TRAIP: variants seen among roughly 807,000 people sequenced by gnomAD.
The protein encoded by TRAIP is E3 ubiquitin-protein ligase TRAIP.
TRAIP carries 37 observed loss-of-function variants against 65.0 expected under a neutral mutation model. The observed-to-expected ratio is 0.57, with a 90% confidence interval of 0.44 to 0.75. TRAIP has a LOEUF of 0.75. TRAIP is among the 30% of genes least tolerant of loss of function. The pLI, the probability that TRAIP is intolerant of heterozygous loss-of-function variation, is 0.00. For synonymous variants in TRAIP, 187 were observed against 219.1 expected, an observed-to-expected ratio of 0.85 and a Z score of 1.29; for missense variants, 481 against 579.4, an observed-to-expected ratio of 0.83 and a Z score of 1.74.
In TRAIP at chr3:49,856,362, A is replaced by C; in HGVS notation, c.92T>G (p.Leu31Trp). Residue 31 changes from leucine to tryptophan, a missense_variant, in exon 1 of 15, where the codon TTG becomes TGG. Transcript: ENST00000331456. ...AAIHCGHTFH[L>W]QCLIQWFETA... ...CAACACTGCAGTCACTCACCACTGC[A>C]AGTGGAAGGTGTGGCCGCAGTGGAT... is the stretch of plus-strand genomic sequence containing the variant. 6.2e-7 allele frequency: 1 copy of C among 1,613,626 alleles called. No individual in the cohort carries two copies. The highest frequency in any genetic ancestry group is 8.5e-7 in the Non-Finnish European group (1 of 1,179,628).
intron 2 of TRAIP, among the ~76,000 whole-genome samples, chr3:49,847,873 G>T (rs1439597447): frequency 1.3e-5 from 2 of 152,164 alleles, no homozygotes; most frequent in Admixed American, 6.5e-5. Flanking sequence ...TGAACTCTAG[G>T]TGCGGAGTCA....
chr3:49,829,010 A>C lies in TRAIP; in HGVS notation c.*93T>G. ...GCCCTTACACCTCAGGCTGGTCCCG[A>C]AAGTGGGGCTCTGTCCACAAAACCC... On this transcript the variant is annotated 3_prime_UTR_variant, in exon 15 of 15. Transcript: ENST00000331456. 1.3e-6 allele frequency: 2 copies of C among 1,584,976 alleles called. No individual in the cohort carries two copies. The highest frequency in any genetic ancestry group is 2.2e-5 in the South Asian group (2 of 89,046).
At chr3:49,831,188 G>C (rs1461693956) in intron 11 of TRAIP, among the ~76,000 whole-genome samples, 1 of 152,188 alleles carries the variant, frequency 6.6e-6, no homozygotes, top group African/African-American at 2.4e-5. Flanking sequence ...CAGCTGGCTT[G>C]CCCTCTTGCT....
rs752850814 is a variant in TRAIP, at chr3:49,831,952, T to C, written c.1001A>G (p.His334Arg). The change falls in exon 11 of 15, where the codon CAT (histidine) becomes CGT (arginine). Residue 334 changes from histidine (H) to arginine (R), a missense_variant. Coordinates refer to ENST00000331456, the MANE Select transcript of TRAIP (RefSeq NM_005879.3). ...TAGGCAAAGTTTTTCGTAGTAACCA[T>C]GCTGGGAGCTGGAGGGCCGGGCTGG... ...TPPARPSSSQ[H>R]GYYEKLCLEK... 1.2e-6 allele frequency: 2 copies of C among 1,600,030 alleles called. No individual in the cohort carries two copies. The highest frequency in any genetic ancestry group is 2.3e-5 in the East Asian group (1 of 43,680).
chr3:49,832,715 G>C (rs1452505810), intron 10 of TRAIP, among the ~76,000 whole-genome samples: 1 of 87,496 alleles, frequency 1.1e-5, no homozygotes, highest in Non-Finnish European at 2.6e-5. Context: ...GGGGGGGGGG[G>C]GTGGGGGGTG....
intron 5 of TRAIP, 80 bp downstream of exon 5, chr3:49,843,721 A>C (rs2081857828): frequency 6.4e-7 from 1 of 1,557,562 alleles, no homozygotes; most frequent in African/African-American, 1.4e-5. Flanking sequence ...CAGAACCAGA[A>C]GATAAGCCCA....
At chr3:49,838,848 T>C (rs2081810832) in intron 10 of TRAIP, among the ~76,000 whole-genome samples, 1 of 149,148 alleles carries the variant, frequency 6.7e-6, no homozygotes, top group Admixed American at 6.7e-5. Flanking sequence ...ATCGCACCAC[T>C]GTACTCCAGT....
At chr3:49,831,124 G>T (rs189313626) in intron 11 of TRAIP, among the ~76,000 whole-genome samples, 2 of 152,172 alleles carry the variant, frequency 1.3e-5, no homozygotes, top group African/African-American at 4.8e-5. Context: ...ACCAGGCCTC[G>T]CCCTCTACAA....
intron 1 of TRAIP, among the ~76,000 whole-genome samples, chr3:49,851,494 T>TC (rs1411364009): frequency 2.6e-5 from 4 of 152,204 alleles, no homozygotes; most frequent in African/African-American, 7.2e-5. Flanking sequence ...GCTCAAGCGA[T>TC]CCTCCTGCCT....
intron 1 of TRAIP, among the ~76,000 whole-genome samples, chr3:49,849,454 T>A (rs2081912882): frequency 6.7e-6 from 1 of 149,906 alleles, no homozygotes; most frequent in Non-Finnish European, 1.5e-5. Context: ...TGAAACTCCA[T>A]CTCTACTAAA....
chr3:49,850,036 C>T (rs1427886878), intron 1 of TRAIP, among the ~76,000 whole-genome samples: 1 of 151,426 alleles, frequency 6.6e-6, no homozygotes, highest in Non-Finnish European at 1.5e-5. Context: ...TTTTCAAATA[C>T]CATGTACAAC....
rs1291651170 is a variant in TRAIP, at chr3:49,829,751, G to C, written c.1102C>G (p.Leu368Val). The C allele has an allele frequency of 6.2e-7, 1 of 1,614,026 alleles. No individual in the cohort carries two copies. The change falls in exon 13 of 15, where the codon CTG becomes GTG. Residue 368 changes from leucine to valine, a missense_variant. Physicochemically the swap from Leu to Val is conservative, Grantham distance 32. Transcript: ENST00000331456. The stretch of plus-strand genomic sequence containing the variant: ...TCTCCTGCACAGCTCTGGCCACCCA[G>C]TGAGAGCTGGGACTCCTGCAGGGAA... ...KGPRKESQLSLGGQSCAGEPD... is the reference protein window; with the variant it reads ...KGPRKESQLSVGGQSCAGEPD...
At chr3:49,837,034 T>C (rs1447797456) in intron 10 of TRAIP, among the ~76,000 whole-genome samples, 1 of 148,162 alleles carries the variant, frequency 6.7e-6, no homozygotes, top group East Asian at 2.0e-4. Context: ...CATCACTTAC[T>C]GCAGTCTTGA....
intron 1 of TRAIP, among the ~76,000 whole-genome samples, chr3:49,851,830 G>A (rs949212598): frequency 6.6e-6 from 1 of 151,640 alleles, no homozygotes; most frequent in African/African-American, 2.4e-5. Flanking sequence ...CCAAGTAGCT[G>A]GGACTAGAGG....
chr3:49,856,376 G>A lies in TRAIP; in HGVS notation c.78C>T (p.Gly26=). 6.2e-7 allele frequency: 1 copy of A among 1,614,084 alleles called. No individual in the cohort carries two copies. The highest frequency in any genetic ancestry group is 8.5e-7 in the Non-Finnish European group (1 of 1,179,968). ...HSRDVAAIHC[G]HTFHLQCLIQ... is the part of the protein sequence containing the mutation. ...CTCACCACTGCAAGTGGAAGGTGTG[G>A]CCGCAGTGGATGGCGGCCACGTCGC... The change falls in exon 1 of 15, where the codon GGC becomes GGT. Residue 26 remains glycine (G), a synonymous_variant. Coordinates refer to ENST00000331456, the MANE Select transcript of TRAIP (RefSeq NM_005879.3).
intron 5 of TRAIP, 174 bp downstream of exon 5, chr3:49,843,627 T>A (rs2108316958): frequency 1.3e-6 from 1 of 796,870 alleles, no homozygotes; most frequent in Non-Finnish European, 2.0e-6. Context: ...TCTTATGGGA[T>A]GGATGGGTAC....
chr3:49,831,572 A>G (rs888078344), intron 11 of TRAIP, among the ~76,000 whole-genome samples: 21 of 152,262 alleles, frequency 1.4e-4, no homozygotes, highest in African/African-American at 4.8e-4. Flanking sequence ...GAGGAAGTTC[A>G]GAGTCCCTCG....
intron 14 of TRAIP, 31 bp downstream of exon 14, chr3:49,829,427 A>G: frequency 6.2e-7 from 1 of 1,614,074 alleles, no homozygotes; most frequent in Non-Finnish European, 8.5e-7. Context: ...TCCACAGTTC[A>G]GCTCAGCTCA....
chr3:49,846,176 G>A (rs1020784091), intron 3 of TRAIP, among the ~76,000 whole-genome samples: 36 of 152,068 alleles, frequency 2.4e-4, no homozygotes, highest in Non-Finnish European at 1.0e-4. Context: ...CTCTGGTCTG[G>A]GGAAGGCCCA....
Sources: gnomAD v4.1 joint callset for allele counts (sites outside exome capture counted in the v4.1 genomes callset) on GRCh38, gnomAD v4.1.1 for gene constraint, MANE v1.5 for transcripts, NCBI Gene and HGNC (gene_info 2026-07-23, HGNC 2026-07-21) for gene names.